The following KIFAP3 variants were observed in gnomAD, a reference collection of about 807,000 sequenced individuals.
KIFAP3 encodes kinesin associated protein 3.
KIFAP3 carries 68 observed loss-of-function variants against 106.5 expected under a neutral mutation model. The observed-to-expected ratio is 0.64, with a 90% CI of 0.53 to 0.78. KIFAP3 has a LOEUF of 0.78. Ranked by LOEUF, KIFAP3 falls within the 30% of genes least tolerant of loss-of-function variation. KIFAP3 has a pLI of 0.00. For synonymous variants in KIFAP3, 320 were observed against 311.5 expected, an observed-to-expected ratio of 1.03 and a Z score of -0.29; for missense variants, 780 against 941.8, an observed-to-expected ratio of 0.83 and a Z score of 2.25.
At chr1:170,076,510 A>T (rs904810016), upstream of KIFAP3, among the ~76,000 whole-genome samples, 15 of 152,334 alleles carry the variant, frequency 9.8e-5, no homozygotes, top group African/African-American at 3.6e-4. Flanking sequence ...AATAAAAAAA[A>T]GAAATCCATA....
At position 169,953,988 on chromosome 1, in the gene KIFAP3, A is replaced by C. The variant is rs527407269; in HGVS notation, c.2273+23T>G. 3 of 1,537,924 alleles carry C rather than the reference A, an allele frequency of 2.0e-6. No homozygotes were observed. The African/African-American group carries it at 4.1e-5, about 21-fold the overall frequency. Reference sequence around the variant, plus strand: ...AAAAGCAACAGATACTACACATTAGATTTTTCTTGGAAAACTGTTTACCTG... The same window carrying C: ...AAAAGCAACAGATACTACACATTAGCTTTTTCTTGGAAAACTGTTTACCTG... On this transcript the variant is annotated intron_variant, in intron 19 of 19. Coordinates refer to ENST00000361580, the MANE Select transcript of KIFAP3 (RefSeq NM_014970.4).
chr1:169,994,954 T>C (rs1042430481), intron 10 of KIFAP3, among the ~76,000 whole-genome samples: 1 of 152,062 alleles, frequency 6.6e-6, no homozygotes, highest in African/African-American at 2.4e-5. Context: ...GAGAAAATAA[T>C]ATTTAAAGTT....
chr1:169,993,535 T>C (rs113991998), intron 10 of KIFAP3, among the ~76,000 whole-genome samples: 14,593 of 131,044 alleles, frequency 0.11, 1,349 homozygotes, highest in Admixed American at 0.16. Context: ...TAATCAAAGA[T>C]AGAAATTACT....
intron 11 of KIFAP3, among the ~76,000 whole-genome samples, chr1:169,988,501 GAAT>G (rs1666949016): frequency 6.6e-6 from 1 of 151,874 alleles, no homozygotes; most frequent in Admixed American, 6.6e-5. Flanking sequence ...CAAACGAACA[GAAT>G]ATTATATTAA....
At chr1:169,979,245 T>C (rs1666382258) in intron 15 of KIFAP3, among the ~76,000 whole-genome samples, 2 of 152,156 alleles carry the variant, frequency 1.3e-5, no homozygotes, top group South Asian at 4.1e-4. Flanking sequence ...ATTCTCACTC[T>C]ATCAACTACG....
At chr1:169,954,225 C>G (rs1351749001) in intron 18 of KIFAP3, 115 bp from the exon 19 acceptor site, 1 of 666,856 alleles carries the variant, frequency 1.5e-6, no homozygotes, top group Non-Finnish European at 2.6e-6. Flanking sequence ...AAAATGTTAG[C>G]ATGACATGCT....
At chr1:170,082,566 T>G (rs1009186541) in intron 1 of KIFAP3, among the ~76,000 whole-genome samples, 1 of 152,232 alleles carries the variant, frequency 6.6e-6, no homozygotes, top group African/African-American at 2.4e-5. Flanking sequence ...TGTATAAAAA[T>G]AAATTATACT....
chr1:169,982,032 A>G lies in KIFAP3; in HGVS notation c.1738T>C (p.Ser580Pro). 1 of 1,613,318 alleles carries G rather than the reference A, an allele frequency of 6.2e-7. No individual in the cohort carries two copies. The change falls in exon 15 of 20, where the codon TCT becomes CCT. Residue 580 changes from serine to proline, a missense_variant. Around this residue, in one of 3 missense-constraint regions of KIFAP3, gnomAD observed 588 missense variants for 678.9 expected, o/e 0.87. Transcript: ENST00000361580. Reference sequence around the variant, plus strand: ...GATTTGGCTAGCAATGCAGCACAAGAGTCATCCATGGATACAGTTCCAATC... The same window carrying G: ...GATTTGGCTAGCAATGCAGCACAAGGGTCATCCATGGATACAGTTCCAATC... The part of the protein sequence containing the change: ...IMIGTVSMDD[S>P]CAALLAKSGI...
chr1:170,040,268 C>T (rs973125444), intron 3 of KIFAP3, among the ~76,000 whole-genome samples: 2 of 152,118 alleles, frequency 1.3e-5, no homozygotes, highest in Middle Eastern at 3.4e-3. Flanking sequence ...CTTTGGAATA[C>T]CGCTTACCAA....
At chr1:170,074,348 C>T (rs1443407955) in intron 1 of KIFAP3, 88 bp downstream of exon 1, 2 of 1,458,792 alleles carry the variant, frequency 1.4e-6, no homozygotes, top group South Asian at 1.2e-5. Flanking sequence ...GCTAAACTAG[C>T]GTTGCCCAGT....
At chr1:170,070,735 C>T (rs994462545) in intron 1 of KIFAP3, among the ~76,000 whole-genome samples, 2 of 152,112 alleles carry the variant, frequency 1.3e-5, no homozygotes, top group African/African-American at 4.8e-5. Context: ...AACAGAGGGA[C>T]AAACCTTCAT....
chr1:169,923,989 CCCTT>C (rs1379563858), intron 19 of KIFAP3, among the ~76,000 whole-genome samples: 1 of 19,882 alleles, frequency 5.0e-5, no homozygotes, highest in East Asian at 5.2e-3. Context: ...AAAATTCTCC[CCCTT>C]TTTTTTATTT....
At chr1:169,962,550 A>T (rs1665395154) in intron 17 of KIFAP3, among the ~76,000 whole-genome samples, 1 of 152,144 alleles carries the variant, frequency 6.6e-6, no homozygotes, top group Admixed American at 6.6e-5. Flanking sequence ...TCTAAAAAGG[A>T]GTTAGAGGGA....
intron 9 of KIFAP3, among the ~76,000 whole-genome samples, chr1:170,018,085 C>T (rs528290726): frequency 3.2e-4 from 49 of 152,184 alleles, no homozygotes; most frequent in Non-Finnish European, 6.2e-4. Context: ...TTGACTTTTA[C>T]AATTTTAAAT....
chr1:170,037,343 C>T (rs1669741630), intron 5 of KIFAP3, among the ~76,000 whole-genome samples: 1 of 152,178 alleles, frequency 6.6e-6, no homozygotes, highest in African/African-American at 2.4e-5. Context: ...ACCAGAAAGG[C>T]ATTCTCTCTC....
intron 10 of KIFAP3, among the ~76,000 whole-genome samples, chr1:170,002,686 A>G (rs1667723939): frequency 1.3e-5 from 2 of 152,214 alleles, no homozygotes; most frequent in African/African-American, 2.4e-5. Flanking sequence ...GCTGATTAAA[A>G]GATAACTTTA....
At chr1:169,994,396 CAGGT>C (rs1333134580) in intron 10 of KIFAP3, among the ~76,000 whole-genome samples, 3 of 152,118 alleles carry the variant, frequency 2.0e-5, no homozygotes, top group Non-Finnish European at 4.4e-5. Flanking sequence ...AAGACATTAT[CAGGT>C]ATAAAAGACT....
At chr1:170,063,276 G>A (rs1445305505) in intron 1 of KIFAP3, among the ~76,000 whole-genome samples, 1 of 152,160 alleles carries the variant, frequency 6.6e-6, no homozygotes, top group Non-Finnish European at 1.5e-5. Flanking sequence ...CAAAACCTAA[G>A]ATTAGTCTTT....
At chr1:170,058,618 A>G (rs1670973217) in intron 1 of KIFAP3, among the ~76,000 whole-genome samples, 1 of 152,134 alleles carries the variant, frequency 6.6e-6, no homozygotes, top group African/African-American at 2.4e-5. Context: ...CTTGAAGTAC[A>G]AAATGGAAAT....
Sources: gnomAD v4.1 joint callset for allele counts (sites outside exome capture counted in the v4.1 genomes callset) on GRCh38, gnomAD v4.1.1 for gene constraint, gnomAD v4.1.1 regional missense constraint, MANE v1.5 for transcripts, NCBI Gene and HGNC (gene_info 2026-07-23, HGNC 2026-07-21) for gene names.